Variants in RNF220 observed in about 807,000 individuals in gnomAD.
RNF220 encodes ring finger protein 220.
A neutral mutation model predicts 67.1 loss-of-function variants in RNF220; 7 were observed. That is an observed-to-expected ratio of 0.10 (90% CI 0.06 to 0.20). The LOEUF is 0.20. RNF220 is among the 10% of genes least tolerant of loss of function. The probability of loss-of-function intolerance (pLI) is 1.00; values close to 1 mark genes in which losing one functional copy is unlikely to be tolerated. For synonymous variants in RNF220, 270 were observed against 283.2 expected (o/e 0.95, Z 0.47); for missense variants, 565 against 740.3 (o/e 0.76, Z 2.75).
chr1:44,450,512 T>C (rs1485308654), intron 2 of RNF220, among the ~76,000 whole-genome samples: 1 of 152,268 alleles, frequency 6.6e-6, no homozygotes, highest in African/African-American at 2.4e-5. Context: ...TATACATGTA[T>C]ACATTTATGT....
chr1:44,502,747 A>AATTATTATT (rs75429220), intron 2 of RNF220, among the ~76,000 whole-genome samples: 1 of 151,184 alleles, frequency 6.6e-6, no homozygotes, highest in African/African-American at 2.4e-5. Flanking sequence ...AAAACGTGTG[A>AATTATTATT]ATTATTATTA....
chr1:44,566,357 T>C (rs1386834456), intron 2 of RNF220, among the ~76,000 whole-genome samples: 1 of 152,012 alleles, frequency 6.6e-6, no homozygotes, highest in African/African-American at 2.4e-5. Flanking sequence ...GAGCCAAGAC[T>C]AAGTGCGGAG....
At chr1:44,598,142 T>C (rs1216232536) in intron 2 of RNF220, among the ~76,000 whole-genome samples, 1 of 151,382 alleles carries the variant, frequency 6.6e-6, no homozygotes, top group East Asian at 1.9e-4. Flanking sequence ...TGAATGGTCA[T>C]GTGGACTTTC....
intron 2 of RNF220, among the ~76,000 whole-genome samples, chr1:44,552,566 C>CTTTTTTTT (rs57847805): frequency 4.8e-5 from 4 of 83,734 alleles, no homozygotes; most frequent in African/African-American, 1.5e-4. Flanking sequence ...TAAACTTCTT[C>CTTTTTTTT]TTTTTTTTTT....
At position 44,546,383 on chromosome 1, in the gene RNF220, G is replaced by A. The variant is rs74762150; in HGVS notation, c.626-67782G>A. ...TCCACCGCAACATCTGAGAGCAGGA[G>A]CCACACAGGAGCTTTCTTCTTCCAG... is the stretch of plus-strand genomic sequence containing the variant. On this transcript the variant is annotated intron_variant, in intron 2 of 14. Coordinates refer to ENST00000361799, the MANE Select transcript of RNF220 (RefSeq NM_018150.4). 7.5e-3 allele frequency among the ~76,000 whole-genome samples: 1,139 copies of A among 152,246 alleles called. 12 individuals are homozygous for A. Among genetic ancestry groups the A allele is most frequent in the African/African-American group, 0.026 (1,086 of 41,548 alleles).
At chr1:44,536,992 C>T (rs1661279929) in intron 2 of RNF220, among the ~76,000 whole-genome samples, 2 of 150,820 alleles carry the variant, frequency 1.3e-5, no homozygotes, top group Middle Eastern at 6.8e-3. Flanking sequence ...CCCTCGGTCC[C>T]ATTTGCACTC....
At chr1:44,515,458 G>A (rs150139334) in intron 2 of RNF220, among the ~76,000 whole-genome samples, 6 of 152,328 alleles carry the variant, frequency 3.9e-5, no homozygotes, top group Admixed American at 3.3e-4. Context: ...TAGGAATGAA[G>A]AAGTCATTGC....
At chr1:44,449,223 C>T (rs1028422832) in intron 2 of RNF220, among the ~76,000 whole-genome samples, 17 of 152,326 alleles carry the variant, frequency 1.1e-4, no homozygotes, top group South Asian at 2.1e-4. Context: ...TATAGGTTTA[C>T]TCTTGGGATT....
At chr1:44,414,617 A>G (rs1233121145) in intron 2 of RNF220, among the ~76,000 whole-genome samples, 1 of 152,130 alleles carries the variant, frequency 6.6e-6, no homozygotes, top group Non-Finnish European at 1.5e-5. Context: ...GGCATCCCCC[A>G]TGGAGATGGA....
chr1:44,625,705 C>G (rs1643917571), intron 4 of RNF220, among the ~76,000 whole-genome samples: 1 of 152,018 alleles, frequency 6.6e-6, no homozygotes, highest in African/African-American at 2.4e-5. Context: ...CAATTTCAAG[C>G]AGACAGTTTA....
intron 2 of RNF220, chr1:44,419,280 T>C (rs1214216029): frequency 6.6e-6 from 1 of 152,248 alleles, no homozygotes; most frequent in Non-Finnish European, 1.5e-5. Flanking sequence ...GGGTAGGAAT[T>C]TGTAAGTATC....
intron 2 of RNF220, among the ~76,000 whole-genome samples, chr1:44,460,098 G>A (rs958979173): frequency 5.9e-5 from 9 of 152,168 alleles, no homozygotes; most frequent in African/African-American, 2.2e-4. Flanking sequence ...TAATCCCAAC[G>A]GGAAAGTTCA....
At chr1:44,566,372 G>C (rs1419372311) in intron 2 of RNF220, among the ~76,000 whole-genome samples, 1 of 152,130 alleles carries the variant, frequency 6.6e-6, no homozygotes, top group Non-Finnish European at 1.5e-5. Flanking sequence ...GCGGAGGGAG[G>C]GGGTGAATGA....
intron 2 of RNF220, among the ~76,000 whole-genome samples, chr1:44,609,242 C>T (rs1301273790): frequency 6.6e-6 from 1 of 152,178 alleles, no homozygotes; most frequent in Non-Finnish European, 1.5e-5. Flanking sequence ...GGCCATCTGT[C>T]ATTACAGTCA....
chr1:44,627,238 C>T (rs1054371764), intron 5 of RNF220, among the ~76,000 whole-genome samples: 7 of 141,064 alleles, frequency 5.0e-5, no homozygotes, highest in South Asian at 2.4e-4. Context: ...CCAGCTACTC[C>T]GGAGGCTGAG....
At position 44,640,464 on chromosome 1, in the gene RNF220, T is replaced by C. The variant is rs117758998; in HGVS notation, c.1127-4234T>C. On this transcript the variant is annotated intron_variant, in intron 8 of 14. Transcript: ENST00000361799. ...ACCTTCTGTCCCCCGTGGCAACTGA[T>C]GGGATTTAATCGCCTTTTGGAACAC... 3.6e-3 allele frequency among the ~76,000 whole-genome samples: 556 copies of C among 152,364 alleles called. 5 individuals are homozygous for C. Among genetic ancestry groups the C allele is most frequent in the African/African-American group, 0.012 (492 of 41,592 alleles).
intron 2 of RNF220, among the ~76,000 whole-genome samples, chr1:44,541,441 GA>G (rs1413809675): frequency 6.6e-6 from 1 of 152,064 alleles, no homozygotes; most frequent in Non-Finnish European, 1.5e-5. Context: ...AACAAAAAAA[GA>G]AAAAACAAAG....
At chr1:44,418,652 A>AC (rs1280985352) in intron 2 of RNF220, among the ~76,000 whole-genome samples, 313 of 151,962 alleles carry the variant, frequency 2.1e-3, no homozygotes, top group African/African-American at 6.5e-3. Context: ...CAAAAAAAAA[A>AC]ACACACACAC....
intron 2 of RNF220, among the ~76,000 whole-genome samples, chr1:44,418,761 G>C (rs1012882653): frequency 1.3e-5 from 2 of 152,018 alleles, no homozygotes; most frequent in African/African-American, 4.8e-5. Flanking sequence ...TTTTATATTG[G>C]TTTTCTTATT....
Sources: gnomAD v4.1 joint callset for allele counts (sites outside exome capture counted in the v4.1 genomes callset) on GRCh38, gnomAD v4.1.1 for gene constraint, MANE v1.5 for transcripts, NCBI Gene and HGNC (gene_info 2026-07-23, HGNC 2026-07-21) for gene names.